The following FIGN variants were observed in gnomAD, a reference collection of about 807,000 sequenced individuals.
FIGN encodes fidgetin.
Under a neutral mutation model 51.3 loss-of-function variants are expected in FIGN, and 11 were observed. The observed-to-expected ratio is 0.21, with a 90% CI of 0.13 to 0.35. The LOEUF is 0.35. Among genes scored for constraint, FIGN ranks in the 10% least tolerant of loss-of-function variants. The pLI is 1.00. For synonymous variants in FIGN, 407 were observed against 363.2 expected (o/e 1.12, Z -1.37); for missense variants, 857 against 943.6 (o/e 0.91, Z 1.20).
chr2:163,702,584 GAAAGAAA>G (rs1439418211), intron 2 of FIGN, among the ~76,000 whole-genome samples: 8 of 151,678 alleles, frequency 5.3e-5, no homozygotes, highest in East Asian at 3.9e-4. Context: ...AGGCTACTCT[GAAAGAAA>G]AAAGAAAAAA....
chr2:163,648,179 A>G (rs895190475), intron 2 of FIGN, among the ~76,000 whole-genome samples: 32 of 151,584 alleles, frequency 2.1e-4, no homozygotes, highest in African/African-American at 7.0e-4. Flanking sequence ...CCACCCTTCC[A>G]CAAACCACAA....
chr2:163,625,427 T>C lies in FIGN; in HGVS notation c.26-13621A>G, dbSNP rs142250083. ...GTTAAAAATGTGAATATCATTTTCC[T>C]CCCTGATTGTTCCTTTTTTGCAGCA... On this transcript the variant is annotated intron_variant, in intron 2 of 2. Transcript: ENST00000333129. Among the ~76,000 whole-genome samples the C allele has an allele frequency of 3.5e-3, 526 of 152,140 alleles. 12 individuals are homozygous for C. Among genetic ancestry groups the C allele is most frequent in the Admixed American group, 0.027 (407 of 15,266 alleles).
intron 2 of FIGN, among the ~76,000 whole-genome samples, chr2:163,683,043 A>C (rs2105340251): frequency 6.6e-6 from 1 of 152,284 alleles, no homozygotes; most frequent in Admixed American, 6.5e-5. Flanking sequence ...AAATATATTA[A>C]GAAACCAGAC....
chr2:163,693,104 G>T (rs1222908190), intron 2 of FIGN, among the ~76,000 whole-genome samples: 15 of 152,174 alleles, frequency 9.9e-5, no homozygotes, highest in Non-Finnish European at 1.9e-4. Context: ...ATGTGAACTG[G>T]TCACCAACCA....
At chr2:163,632,507 AG>A (rs1683160847) in intron 2 of FIGN, among the ~76,000 whole-genome samples, 1 of 152,218 alleles carries the variant, frequency 6.6e-6, no homozygotes, top group African/African-American at 2.4e-5. Context: ...ACATACATTG[AG>A]GTCACTTTCC....
intron 2 of FIGN, among the ~76,000 whole-genome samples, chr2:163,696,349 C>G (rs1037955937): frequency 6.6e-6 from 1 of 151,884 alleles, no homozygotes; most frequent in Admixed American, 6.6e-5. Flanking sequence ...TCCTGGTACC[C>G]CATGAAACAG....
At chr2:163,724,055 C>T (rs1167475648) in intron 2 of FIGN, among the ~76,000 whole-genome samples, 1 of 152,084 alleles carries the variant, frequency 6.6e-6, no homozygotes, top group African/African-American at 2.4e-5. Flanking sequence ...ATGGAGTATA[C>T]AAAACTGCAA....
At chr2:163,646,412 G>T (rs1230828789) in intron 2 of FIGN, among the ~76,000 whole-genome samples, 1 of 152,020 alleles carries the variant, frequency 6.6e-6, no homozygotes, top group Non-Finnish European at 1.5e-5. Context: ...ACATATGCTG[G>T]GGTAGTAGGT....
intron 2 of FIGN, among the ~76,000 whole-genome samples, chr2:163,698,865 A>G (rs948174265): frequency 6.6e-6 from 1 of 152,200 alleles, no homozygotes; most frequent in Non-Finnish European, 1.5e-5. Flanking sequence ...GTCAGTAAGA[A>G]AGACGTTTCT....
intron 2 of FIGN, among the ~76,000 whole-genome samples, chr2:163,722,868 T>C (rs1684780047): frequency 6.6e-6 from 1 of 151,990 alleles, no homozygotes; most frequent in Non-Finnish European, 1.5e-5. Flanking sequence ...AAAATCATCT[T>C]TTAATTTTTT....
intron 2 of FIGN, among the ~76,000 whole-genome samples, chr2:163,637,835 T>C (rs1683249490): frequency 6.6e-6 from 1 of 152,172 alleles, no homozygotes; most frequent in Non-Finnish European, 1.5e-5. Flanking sequence ...TCTTCTGACA[T>C]ATTTTAGGCA....
At chr2:163,688,573 T>C (rs1361499725) in intron 2 of FIGN, among the ~76,000 whole-genome samples, 2 of 152,158 alleles carry the variant, frequency 1.3e-5, no homozygotes, top group African/African-American at 2.4e-5. Context: ...AGATGGAAGA[T>C]GAGACCAGGT....
In FIGN at chr2:163,610,732, C is replaced by G; in HGVS notation, c.1100G>C (p.Arg367Thr). Residue 367 changes from arginine to threonine, a missense_variant, in exon 3 of 3, where the codon AGA becomes ACA. Coordinates refer to ENST00000333129, the MANE Select transcript of FIGN (RefSeq NM_018086.4). ...SNTNRGNGFD[R>T]SAETSSLAFK... ...TGCTAAGGATGATGTTTCAGCACTT[C>G]TGTCAAAGCCATTCCCCCGATTTGT... 1 of 1,614,206 alleles carries G rather than the reference C, an allele frequency of 6.2e-7. No homozygotes were observed. The highest frequency in any genetic ancestry group is 2.2e-5 in the East Asian group (1 of 44,884).
intron 2 of FIGN, among the ~76,000 whole-genome samples, chr2:163,686,311 A>AG (rs1378047477): frequency 6.6e-6 from 1 of 152,178 alleles, no homozygotes; most frequent in Non-Finnish European, 1.5e-5. Flanking sequence ...CACAAAACAG[A>AG]GGGTGAAGGA....
intron 2 of FIGN, among the ~76,000 whole-genome samples, chr2:163,643,667 A>T (rs1683338396): frequency 6.7e-6 from 1 of 149,494 alleles, no homozygotes; most frequent in Non-Finnish European, 1.5e-5. Context: ...AAAAAAAAAA[A>T]TGATTGCCGG....
chr2:163,610,059 G>C lies in FIGN; in HGVS notation c.1773C>G (p.Leu591=). 6 of 1,614,064 alleles carry C rather than the reference G, an allele frequency of 3.7e-6. No individual in the cohort carries two copies. The highest frequency in any genetic ancestry group is 5.1e-6 in the Non-Finnish European group (6 of 1,179,948). Residue 591 remains leucine, a synonymous_variant, in exon 3 of 3, where the codon CTC becomes CTG. Coordinates refer to ENST00000333129, the MANE Select transcript of FIGN (RefSeq NM_018086.4). ...TATGTTCCTCATTCACTTGAGAGGA[G>C]AGAAGCATGTCAATGTCACTAACAA... The part of the protein sequence containing the change: ...VIFVSDIDML[L]SSQVNEEHSP...
chr2:163,668,023 C>A lies in FIGN; in HGVS notation c.26-56217G>T, dbSNP rs547404986. 3.1e-4 allele frequency among the ~76,000 whole-genome samples: 47 copies of A among 149,574 alleles called. 3 individuals are homozygous for A. The highest frequency in any genetic ancestry group is 7.3e-4 in the African/African-American group (29 of 39,924). The stretch of plus-strand genomic sequence containing the variant: ...AACACCCCTACCTCCAACCCCCCCC[C>A]CCAAAAAACCCTCCACAAGTAACAA... On this transcript the variant is annotated intron_variant, in intron 2 of 2. Coordinates refer to ENST00000333129, the MANE Select transcript of FIGN (RefSeq NM_018086.4).
chr2:163,617,627 A>G (rs1315733498), intron 2 of FIGN, among the ~76,000 whole-genome samples: 1 of 152,158 alleles, frequency 6.6e-6, no homozygotes, highest in Admixed American at 6.6e-5. Flanking sequence ...TTGGGATAGA[A>G]AGGGACTGAA....
chr2:163,661,437 C>A, intron 2 of FIGN, among the ~76,000 whole-genome samples: 1 of 151,740 alleles, frequency 6.6e-6, no homozygotes, highest in East Asian at 2.0e-4. Flanking sequence ...GCTCTCATCA[C>A]CCAGGCTGGA....
Sources: gnomAD v4.1 joint callset for allele counts (sites outside exome capture counted in the v4.1 genomes callset) on GRCh38, gnomAD v4.1.1 for gene constraint, MANE v1.5 for transcripts, NCBI Gene and HGNC (gene_info 2026-07-23, HGNC 2026-07-21) for gene names.